MAGI1: variants seen among roughly 807,000 people sequenced by gnomAD.
MAGI1 encodes membrane-associated guanylate kinase, WW and PDZ domain-containing protein 1.
Under a neutral mutation model 139.9 loss-of-function variants are expected in MAGI1, and 58 were observed. The ratio of observed to expected loss-of-function variants is 0.41; its 90% confidence interval spans 0.34 to 0.52. The LOEUF is 0.52. MAGI1 is among the 20% of genes least tolerant of loss of function. MAGI1 has a pLI of 0.12. For missense variants in MAGI1, 1,874 were observed against 1,901.6 expected (o/e 0.99, Z 0.27); for synonymous variants, 812 against 737.9 (o/e 1.10, Z -1.63).
chr3:66,009,652 T>C (rs1432380881), intron 1 of MAGI1, among the ~76,000 whole-genome samples: 1 of 152,160 alleles, frequency 6.6e-6, no homozygotes, highest in Non-Finnish European at 1.5e-5. Context: ...AACAGTAGTG[T>C]CTACAAAGCT....
intron 1 of MAGI1, among the ~76,000 whole-genome samples, chr3:65,926,951 C>T (rs541465499): frequency 5.3e-5 from 8 of 152,232 alleles, no homozygotes; most frequent in Non-Finnish European, 1.5e-5. Flanking sequence ...GCCGAGATTG[C>T]GCCATTGCAC....
intron 18 of MAGI1, among the ~76,000 whole-genome samples, chr3:65,367,453 G>A (rs1199512737): frequency 1.3e-5 from 2 of 152,016 alleles, no homozygotes; most frequent in Non-Finnish European, 2.9e-5. Context: ...TTTAAGCATA[G>A]TAAAATTAAC....
intron 2 of MAGI1, among the ~76,000 whole-genome samples, chr3:65,538,563 C>G (rs1031471157): frequency 3.3e-5 from 5 of 152,140 alleles, no homozygotes; most frequent in Non-Finnish European, 7.3e-5. Flanking sequence ...TACCAAAGCT[C>G]TTAGAAATCT....
chr3:65,606,059 C>T (rs185570654), intron 2 of MAGI1, among the ~76,000 whole-genome samples: 6 of 152,170 alleles, frequency 3.9e-5, no homozygotes, highest in Non-Finnish European at 8.8e-5. Context: ...GCAGTTTGAG[C>T]ACCTACTATG....
intron 1 of MAGI1, among the ~76,000 whole-genome samples, chr3:65,777,448 T>C (rs1191147858): frequency 6.6e-6 from 1 of 152,154 alleles, no homozygotes; most frequent in East Asian, 1.9e-4. Context: ...ATAAAGGGAC[T>C]ATATTTGGCA....
intron 5 of MAGI1, among the ~76,000 whole-genome samples, chr3:65,466,980 C>A (rs970656951): frequency 2.6e-5 from 4 of 152,174 alleles, no homozygotes; most frequent in Non-Finnish European, 2.9e-5. Flanking sequence ...GATCCTTTGG[C>A]TAGAGAGAGC....
chr3:65,502,776 A>C (rs992003408), intron 2 of MAGI1, among the ~76,000 whole-genome samples: 3 of 152,218 alleles, frequency 2.0e-5, no homozygotes, highest in African/African-American at 7.2e-5. Context: ...AGGGACCCAA[A>C]GGTGAGAGAG....
chr3:65,820,670 T>G (rs1297564249), intron 1 of MAGI1, among the ~76,000 whole-genome samples: 2 of 152,166 alleles, frequency 1.3e-5, no homozygotes, highest in Non-Finnish European at 2.9e-5. Context: ...AAAGGAAATC[T>G]AAATCAAACT....
intron 1 of MAGI1, among the ~76,000 whole-genome samples, chr3:65,939,867 T>C (rs1392984008): frequency 6.6e-6 from 1 of 152,186 alleles, no homozygotes; most frequent in Non-Finnish European, 1.5e-5. Flanking sequence ...TGATAAATGC[T>C]TGTTCATAAT....
At chr3:65,828,572 C>A (rs1223621389) in intron 1 of MAGI1, among the ~76,000 whole-genome samples, 1 of 152,116 alleles carries the variant, frequency 6.6e-6, no homozygotes, top group African/African-American at 2.4e-5. Context: ...ACCCCAAGGG[C>A]AGAAATCTAA....
intron 5 of MAGI1, among the ~76,000 whole-genome samples, chr3:65,467,427 A>G (rs1188042029): frequency 6.6e-6 from 1 of 152,242 alleles, no homozygotes; most frequent in African/African-American, 2.4e-5. Context: ...AGTAACAAGT[A>G]TATATAATTT....
intron 1 of MAGI1, among the ~76,000 whole-genome samples, chr3:65,844,928 C>T (rs2058934018): frequency 6.6e-6 from 1 of 152,154 alleles, no homozygotes; most frequent in Admixed American, 6.5e-5. Flanking sequence ...CAACCCTTTC[C>T]TTCATCTGAG....
At chr3:65,917,289 C>A (rs1413294659) in intron 1 of MAGI1, among the ~76,000 whole-genome samples, 1 of 152,200 alleles carries the variant, frequency 6.6e-6, no homozygotes, top group Admixed American at 6.5e-5. Flanking sequence ...ATCCTAAACA[C>A]TGACACCACC....
intron 1 of MAGI1, among the ~76,000 whole-genome samples, chr3:65,953,992 T>C (rs190967457): frequency 2.0e-5 from 3 of 152,282 alleles, no homozygotes; most frequent in Admixed American, 2.0e-4. Context: ...TGGCATTCCC[T>C]TTCTAAAATG....
intron 1 of MAGI1, among the ~76,000 whole-genome samples, chr3:65,643,680 C>A (rs11710869): frequency 0.34 from 51,442 of 149,286 alleles, 10,132 homozygotes; most frequent in African/African-American, 0.43. Context: ...ACAACAACAA[C>A]AAAGCCTGTT....
At chr3:65,690,858 G>C (rs569106918) in intron 1 of MAGI1, among the ~76,000 whole-genome samples, 1 of 132,654 alleles carries the variant, frequency 7.5e-6, no homozygotes, top group Admixed American at 7.4e-5. Flanking sequence ...TGATGCCTAT[G>C]AAATACCATG....
chr3:65,959,676 G>A (rs1171307967), intron 1 of MAGI1, among the ~76,000 whole-genome samples: 2 of 147,230 alleles, frequency 1.4e-5, no homozygotes, highest in African/African-American at 5.0e-5. Context: ...TGTTTCCCAG[G>A]CTGGTCTCAA....
At chr3:66,037,915 G>T in intron 1 of MAGI1, 81 bp downstream of exon 1, 1 of 1,509,262 alleles carries the variant, frequency 6.6e-7, no homozygotes, top group African/African-American at 1.4e-5. Context: ...GAGGAGGGAA[G>T]CAGGAAATCG....
At chr3:65,923,226 CTTTT>C (rs72035925) in intron 1 of MAGI1, among the ~76,000 whole-genome samples, 1 of 139,962 alleles carries the variant, frequency 7.1e-6, no homozygotes. Flanking sequence ...CAACAGACAT[CTTTT>C]TTTTTTTTTT....
Sources: gnomAD v4.1 joint callset for allele counts (sites outside exome capture counted in the v4.1 genomes callset) on GRCh38, gnomAD v4.1.1 for gene constraint, MANE v1.5 for transcripts, NCBI Gene and HGNC (gene_info 2026-07-23, HGNC 2026-07-21) for gene names.